The following AHCYL2 variants were observed in gnomAD, a reference collection of about 807,000 sequenced individuals.
AHCYL2 encodes the protein adenosylhomocysteinase like 2.
A neutral mutation model predicts 81.4 loss-of-function variants in AHCYL2; 28 were observed. The observed-to-expected ratio is 0.34, with a 90% CI of 0.25 to 0.47. The LOEUF (loss-of-function observed/expected upper bound fraction) is 0.47. AHCYL2 is among the 20% of genes least tolerant of loss of function. The probability of loss-of-function intolerance (pLI) is 1.00; values close to 1 mark genes in which losing one functional copy is unlikely to be tolerated. For synonymous variants in AHCYL2, 272 were observed against 290.2 expected (o/e 0.94, Z 0.64); for missense variants, 551 against 785.1 (o/e 0.70, Z 3.56).
intron 1 of AHCYL2, among the ~76,000 whole-genome samples, chr7:129,255,175 C>A (rs555334915): frequency 6.6e-6 from 1 of 151,220 alleles, no homozygotes. Context: ...GCAGGAGAAT[C>A]GCTTGAACCT....
chr7:129,313,964 C>A (rs1265627594), intron 1 of AHCYL2, among the ~76,000 whole-genome samples: 4 of 152,064 alleles, frequency 2.6e-5, no homozygotes, highest in Non-Finnish European at 5.9e-5. Flanking sequence ...TAGGTACTGA[C>A]AAGGTTACCA....
At chr7:129,384,234 TAA>T (rs1413971973) in intron 2 of AHCYL2, among the ~76,000 whole-genome samples, 2 of 149,736 alleles carry the variant, frequency 1.3e-5, no homozygotes, top group Non-Finnish European at 3.0e-5. Context: ...ATATATATGA[TAA>T]TATATATCAT....
At chr7:129,366,388 A>C (rs1449128981) in intron 1 of AHCYL2, among the ~76,000 whole-genome samples, 1 of 152,142 alleles carries the variant, frequency 6.6e-6, no homozygotes, top group Non-Finnish European at 1.5e-5. Flanking sequence ...CCTCCATTCC[A>C]AATCCAAAGG....
chr7:129,235,310 A>G (rs1041260239), intron 1 of AHCYL2, among the ~76,000 whole-genome samples: 1 of 150,968 alleles, frequency 6.6e-6, no homozygotes, highest in Non-Finnish European at 1.5e-5. Context: ...GGAGTGCAAT[A>G]GTATGATCAC....
chr7:129,377,084 T>C (rs1322026562), intron 1 of AHCYL2, among the ~76,000 whole-genome samples: 1 of 152,326 alleles, frequency 6.6e-6, no homozygotes, highest in African/African-American at 2.4e-5. Context: ...CAGCACTTGA[T>C]TGAGTGCCTA....
intron 1 of AHCYL2, among the ~76,000 whole-genome samples, chr7:129,329,260 G>T (rs71577869): frequency 0.025 from 3,758 of 152,248 alleles, 78 homozygotes; most frequent in Admixed American, 0.058. Context: ...GCTCACTGTA[G>T]CCTCCACCTC....
chr7:129,382,682 A>G (rs1795017555), intron 2 of AHCYL2, among the ~76,000 whole-genome samples: 1 of 151,940 alleles, frequency 6.6e-6, no homozygotes, highest in South Asian at 2.1e-4. Flanking sequence ...GAGGTCGGCG[A>G]ATCACCTGAG....
At chr7:129,230,815 C>T (rs1794409103) in intron 1 of AHCYL2, among the ~76,000 whole-genome samples, 1 of 151,636 alleles carries the variant, frequency 6.6e-6, no homozygotes, top group Non-Finnish European at 1.5e-5. Flanking sequence ...TCGTGATCCA[C>T]CTGCCTCAGC....
At chr7:129,401,693 A>G (rs1036191089) in intron 6 of AHCYL2, among the ~76,000 whole-genome samples, 4 of 152,194 alleles carry the variant, frequency 2.6e-5, no homozygotes, top group Non-Finnish European at 5.9e-5. Context: ...AGGGAGTGTG[A>G]CTGACAGATG....
intron 1 of AHCYL2, among the ~76,000 whole-genome samples, chr7:129,325,363 G>A (rs898946330): frequency 6.6e-6 from 1 of 152,088 alleles, no homozygotes; most frequent in Admixed American, 6.5e-5. Flanking sequence ...ATTGTCACTT[G>A]CATGGTTTCC....
chr7:129,340,214 G>C (rs1397213500), intron 1 of AHCYL2, among the ~76,000 whole-genome samples: 1 of 148,084 alleles, frequency 6.8e-6, no homozygotes, highest in South Asian at 2.1e-4. Context: ...GAGCCACCGC[G>C]CCTGGCCCCT....
intron 1 of AHCYL2, among the ~76,000 whole-genome samples, chr7:129,312,460 G>A (rs1026549302): frequency 1.3e-5 from 2 of 152,054 alleles, no homozygotes; most frequent in Non-Finnish European, 2.9e-5. Flanking sequence ...TCAGGCTGGT[G>A]TGCAGTGGTG....
chr7:129,254,288 A>G (rs189904062), intron 1 of AHCYL2, among the ~76,000 whole-genome samples: 1 of 152,342 alleles, frequency 6.6e-6, no homozygotes, highest in Non-Finnish European at 1.5e-5. Context: ...AGCACCATTA[A>G]TGGACAGAAA....
intron 1 of AHCYL2, among the ~76,000 whole-genome samples, chr7:129,257,534 C>G (rs1795469692): frequency 6.6e-6 from 1 of 152,270 alleles, no homozygotes; most frequent in Admixed American, 6.5e-5. Flanking sequence ...ATGGTAGTTC[C>G]TTACTGGTGG....
At chr7:129,416,931 A>G (rs1435625434) in intron 12 of AHCYL2, among the ~76,000 whole-genome samples, 1 of 152,174 alleles carries the variant, frequency 6.6e-6, no homozygotes, top group Non-Finnish European at 1.5e-5. Context: ...CAGCCTAGGC[A>G]ACATAGTGAG....
At chr7:129,362,094 G>A (rs571621342) in intron 1 of AHCYL2, among the ~76,000 whole-genome samples, 35 of 152,198 alleles carry the variant, frequency 2.3e-4, no homozygotes, top group African/African-American at 8.4e-4. Flanking sequence ...GCTTCCTGGT[G>A]CTTAGTGTTT....
At chr7:129,284,969 T>A (rs1170400334) in intron 1 of AHCYL2, among the ~76,000 whole-genome samples, 2 of 152,204 alleles carry the variant, frequency 1.3e-5, no homozygotes, top group African/African-American at 4.8e-5. Context: ...GCTACAATAT[T>A]TTTGTAATGG....
chr7:129,321,743 G>GTTTTTTTT, intron 1 of AHCYL2, among the ~76,000 whole-genome samples: 17 of 77,620 alleles, frequency 2.2e-4, no homozygotes, highest in Middle Eastern at 9.6e-3. Context: ...TTCTTTCTTT[G>GTTTTTTTT]TTTTTTTTTT....
intron 6 of AHCYL2, 51 bp from the exon 7 acceptor site, chr7:129,403,328 G>A (rs1340479497): frequency 7.7e-7 from 1 of 1,296,444 alleles, no homozygotes; most frequent in African/African-American, 1.5e-5. Flanking sequence ...AAGCACTGAA[G>A]CCTTGAGACT....
Sources: gnomAD v4.1 joint callset for allele counts (sites outside exome capture counted in the v4.1 genomes callset) on GRCh38, gnomAD v4.1.1 for gene constraint, MANE v1.5 for transcripts, NCBI Gene and HGNC (gene_info 2026-07-23, HGNC 2026-07-21) for gene names.